Variants in TMEM267 observed in about 807,000 individuals in gnomAD.
The protein encoded by TMEM267 is transmembrane protein C5orf28.
A neutral mutation model predicts 19.3 loss-of-function variants in TMEM267; 20 were observed. That is an observed-to-expected ratio of 1.04 (90% CI 0.73 to 1.51). The LOEUF is 1.51. Among genes scored for constraint, TMEM267 ranks in the 40% most tolerant of loss-of-function variants. The pLI is 0.00. For synonymous variants in TMEM267, 88 were observed against 90.3 expected (o/e 0.97, Z 0.15); for missense variants, 242 against 261.9 (o/e 0.92, Z 0.52).
intron 2 of TMEM267, among the ~76,000 whole-genome samples, chr5:43,452,186 ATTAAC>A (rs1742641511): frequency 6.6e-6 from 1 of 152,178 alleles, no homozygotes; most frequent in African/African-American, 2.4e-5. Context: ...AAGTCATGGA[ATTAAC>A]TTAAGTGTCC....
intron 1 of TMEM267, among the ~76,000 whole-genome samples, chr5:43,457,743 T>G (rs557891495): frequency 1.1e-4 from 16 of 151,642 alleles, no homozygotes; most frequent in South Asian, 2.1e-4. Flanking sequence ...TTAGAAAAAC[T>G]TACAAAAACT....
At chr5:43,471,167 G>C (rs1744041791) in intron 1 of TMEM267, among the ~76,000 whole-genome samples, 1 of 151,818 alleles carries the variant, frequency 6.6e-6, no homozygotes, top group South Asian at 2.1e-4. Flanking sequence ...ATGTGAAACA[G>C]AAATTTTTAA....
At chr5:43,454,550 T>G (rs577474310) in intron 1 of TMEM267, 2 of 152,356 alleles carry the variant, frequency 1.3e-5, no homozygotes, top group Admixed American at 1.3e-4. Flanking sequence ...AAATTTGTCT[T>G]GTGGTAGAGA....
chr5:43,468,048 C>G lies in TMEM267; in HGVS notation c.-74-14005G>C, dbSNP rs1743849221. On this transcript the variant is annotated intron_variant, in intron 1 of 2. Transcript: ENST00000397080. ...CCTTTATTAGCCAGTGACCAAGAGA[C>G]AGCTAATGCTCAAAATTCTCTCGGC... Among the ~76,000 whole-genome samples, 10 of 149,930 alleles carry G rather than the reference C, an allele frequency of 6.7e-5. No individual in the cohort carries two copies. The Admixed American group carries it at 6.8e-4, about 10-fold the overall frequency.
chr5:43,464,759 A>G (rs563464821), intron 1 of TMEM267, among the ~76,000 whole-genome samples: 1 of 152,390 alleles, frequency 6.6e-6, no homozygotes, highest in African/African-American at 2.4e-5. Context: ...CCATATGTAG[A>G]AAGCTGAAAC....
chr5:43,458,474 TTATAG>T (rs1452718181), intron 1 of TMEM267, among the ~76,000 whole-genome samples: 1 of 152,060 alleles, frequency 6.6e-6, no homozygotes, highest in Admixed American at 6.5e-5. Context: ...ACAAACTAAT[TTATAG>T]TGACAGAAAG....
intron 1 of TMEM267, among the ~76,000 whole-genome samples, chr5:43,462,850 T>C (rs1223039696): frequency 1.3e-5 from 2 of 152,028 alleles, no homozygotes; most frequent in Non-Finnish European, 2.9e-5. Context: ...AGACCCAAAA[T>C]TGACACCCTA....
rs963183831 is a variant in TMEM267 at position 43,451,226 on chromosome 5, A to C, written c.312+2432T>G. ...AGTAATGTTATAATCCACATATTAC[A>C]GATGAAGAAATTAAAACTTAAAGAA... On this transcript the variant is annotated intron_variant, in intron 2 of 2. Transcript: ENST00000397080. Among the ~76,000 whole-genome samples the C allele has an allele frequency of 5.4e-4, 83 of 152,316 alleles. 1 individual carries two copies. The highest frequency in any genetic ancestry group is 9.6e-4 in the East Asian group (5 of 5,188).
At chr5:43,470,284 A>G (rs1308920386) in intron 1 of TMEM267, among the ~76,000 whole-genome samples, 1 of 152,174 alleles carries the variant, frequency 6.6e-6, no homozygotes, top group African/African-American at 2.4e-5. Flanking sequence ...CTGGAATTAC[A>G]GGCACACACC....
intron 2 of TMEM267, among the ~76,000 whole-genome samples, chr5:43,447,024 TACA>T (rs1248767147): frequency 6.6e-6 from 1 of 152,052 alleles, no homozygotes; most frequent in East Asian, 1.9e-4. Context: ...GGAATTTATT[TACA>T]ACATTTAGAA....
At chr5:43,460,460 A>G (rs1743194895) in intron 1 of TMEM267, among the ~76,000 whole-genome samples, 1 of 152,182 alleles carries the variant, frequency 6.6e-6, no homozygotes, top group Admixed American at 6.5e-5. Flanking sequence ...CTACACAGAA[A>G]AAAAATACCT....
chr5:43,468,044 G>T (rs1294781337), intron 1 of TMEM267, among the ~76,000 whole-genome samples: 1 of 150,068 alleles, frequency 6.7e-6, no homozygotes, highest in African/African-American at 2.4e-5. Context: ...CAGTGACCAA[G>T]AGACAGCTAA....
At chr5:43,454,213 T>C (rs1742799407) in intron 1 of TMEM267, among the ~76,000 whole-genome samples, 170 bp from the exon 2 acceptor site, 1 of 150,616 alleles carries the variant, frequency 6.6e-6, no homozygotes, top group Admixed American at 6.6e-5. Flanking sequence ...AATAGATTTT[T>C]TTTTTTTTTT....
intron 1 of TMEM267, among the ~76,000 whole-genome samples, chr5:43,464,865 C>A (rs986530554): frequency 6.6e-6 from 1 of 152,126 alleles, no homozygotes; most frequent in African/African-American, 2.4e-5. Flanking sequence ...AGAAGAAAAC[C>A]TAGTCAATAC....
chr5:43,480,797 C>CTTTTTT lies in TMEM267; in HGVS notation c.-75+3019_-75+3024dup, dbSNP rs869260304. Among the ~76,000 whole-genome samples the CTTTTTT allele has an allele frequency of 5.2e-3, 416 of 79,562 alleles. 13 individuals carry two copies. The highest frequency in any genetic ancestry group is 9.8e-3 in the African/African-American group (172 of 17,524). The allele number at this position is 79,562 out of a possible 152,430, so 52.2% of individuals were successfully genotyped here. On this transcript the variant is annotated intron_variant, in intron 1 of 2. Coordinates refer to ENST00000397080, the MANE Select transcript of TMEM267 (RefSeq NM_022483.5). ...ATATATTTAAATGTTAATAATCTTACTTTTTTTTTTTTTTTTTTTTTTTGA... is the reference window on the plus strand; with the variant it reads ...ATATATTTAAATGTTAATAATCTTACTTTTTTTTTTTTTTTTTTTTTTTTTTTTTGA...
chr5:43,446,444 G>T lies in TMEM267; in HGVS notation c.426C>A (p.Cys142Ter). 1 of 1,613,830 alleles carries T rather than the reference G, an allele frequency of 6.2e-7. No individual in the cohort carries two copies. The highest frequency in any genetic ancestry group is 1.1e-5 in the South Asian group (1 of 91,084). Residue 142 changes from cysteine to a stop codon, truncating the protein, a stop_gained, in exon 3 of 3, where the codon TGC (cysteine) becomes TGA (stop). Coordinates refer to ENST00000397080, the MANE Select transcript of TMEM267 (RefSeq NM_022483.5). LOFTEE classifies it high-confidence loss of function. ...MHLFKLKDSW[C>*]FLPWMLFISW... The stretch of plus-strand genomic sequence containing the variant: ...ATATAAATAACATCCAGGGAAGAAA[G>T]CACCATGAGTCTTTGAGCTTGAAAA...
intron 1 of TMEM267, among the ~76,000 whole-genome samples, chr5:43,481,265 T>C (rs1744748772): frequency 6.6e-6 from 1 of 151,840 alleles, no homozygotes; most frequent in South Asian, 2.1e-4. Context: ...GGCTAGATTT[T>C]TGTTTTTAAA....
intron 2 of TMEM267, among the ~76,000 whole-genome samples, chr5:43,447,764 C>T (rs1284378555): frequency 6.6e-6 from 1 of 152,112 alleles, no homozygotes; most frequent in Non-Finnish European, 1.5e-5. Flanking sequence ...TCAGGAAAAA[C>T]TATATTGAAG....
chr5:43,445,797 C>T lies in TMEM267; in HGVS notation c.*425G>A, dbSNP rs1479446793. 1 of 152,508 alleles carries T rather than the reference C, an allele frequency of 6.6e-6. No homozygotes were observed. Among genetic ancestry groups the T allele is most frequent in the African/African-American group, 2.4e-5 (1 of 41,374 alleles). The allele number at this position is 152,508 out of a possible 1,614,324, so 9.4% of individuals were successfully genotyped here. A position where few individuals can be genotyped will look rare whatever the true frequency, so the allele number is the denominator to read the frequency against. On this transcript the variant is annotated 3_prime_UTR_variant, in exon 3 of 3. Coordinates refer to ENST00000397080, the MANE Select transcript of TMEM267 (RefSeq NM_022483.5). ...CATTTATTTGGTGATTTCACTATTTCAATATCTCAGGAAAATTGGATCCAA... is the reference window on the plus strand; with the variant it reads ...CATTTATTTGGTGATTTCACTATTTTAATATCTCAGGAAAATTGGATCCAA...
Sources: allele counts gnomAD v4.1 joint callset (sites outside exome capture counted in the v4.1 genomes callset), GRCh38; gene constraint gnomAD v4.1.1; transcripts MANE v1.5; gene names NCBI Gene and HGNC (gene_info 2026-07-23, HGNC 2026-07-21).